Variants in FAM120B observed in about 807,000 individuals in gnomAD.
FAM120B encodes the protein family with sequence similarity 120 member B, also known as constitutive coactivator of peroxisome proliferator-activated receptor gamma.
Under a neutral mutation model 96.3 loss-of-function variants are expected in FAM120B, and 83 were observed. That is an observed-to-expected ratio of 0.86 (90% CI 0.72 to 1.03). The LOEUF is 1.03. Ranked by LOEUF, FAM120B falls within the 50% of genes least tolerant of loss-of-function variation. The pLI, the probability that FAM120B is intolerant of heterozygous loss-of-function variation, is 0.00. For synonymous variants in FAM120B, 407 were observed against 402.7 expected (o/e 1.01, Z -0.13); for missense variants, 1,027 against 1,121.2 (o/e 0.92, Z 1.20).
At chr6:170,305,768 G>A (rs1784258878), upstream of FAM120B, among the ~76,000 whole-genome samples, 1 of 152,226 alleles carries the variant, frequency 6.6e-6, no homozygotes. Flanking sequence ...TGGTTGTAGA[G>A]AAAAAGGCGG....
chr6:170,370,160 C>G lies in FAM120B; in HGVS notation c.2283+11842C>G, dbSNP rs1193311153. Among the ~76,000 whole-genome samples the G allele has an allele frequency of 6.6e-6, 1 of 152,220 alleles. No individual in the cohort carries two copies. Among genetic ancestry groups the G allele is most frequent in the Non-Finnish European group, 1.5e-5 (1 of 68,042 alleles). On this transcript the variant is annotated intron_variant, in intron 6 of 10. Coordinates refer to ENST00000476287, the MANE Select transcript of FAM120B (RefSeq NM_032448.3). The surrounding 1 kb of genome is among the most constrained non-coding windows in gnomAD (Gnocchi z 4.3). ...AGACTCTCAGTTGCCCTTGAGCTTT[C>G]CTGGCCCTGCTCTCTGCACCTCACA...
At chr6:170,340,413 G>T (rs144030766) in intron 4 of FAM120B, among the ~76,000 whole-genome samples, 1 of 152,144 alleles carries the variant, frequency 6.6e-6, no homozygotes, top group South Asian at 2.1e-4. Context: ...AAGGTTCTTA[G>T]CTTCCTTGCA....
rs73249830 is a variant in FAM120B at position 170,343,146 on chromosome 6, A to G, written c.2018-5005A>G. Among the ~76,000 whole-genome samples the G allele has an allele frequency of 5.4e-3, 822 of 152,342 alleles. 9 individuals are homozygous for G. The highest frequency in any genetic ancestry group is 0.019 in the African/African-American group (785 of 41,566). On this transcript the variant is annotated intron_variant, in intron 4 of 10. Transcript: ENST00000476287. ...GAGAAGTGATCTAAATGATCCTCCA[A>G]AAACATCCACACCCTCCCCTGGATA...
intron 1 of FAM120B, among the ~76,000 whole-genome samples, chr6:170,314,659 C>T (rs1046347732): frequency 1.3e-5 from 2 of 152,086 alleles, no homozygotes; most frequent in African/African-American, 2.4e-5. Flanking sequence ...CATATATGCT[C>T]TTAGCAATGA....
At position 170,318,348 on chromosome 6, in the gene FAM120B, G is replaced by A. The variant is rs1785040229; in HGVS notation, c.958G>A (p.Gly320Ser). ...TCCATGGTTTTTCCAAAAACCCAAA[G>A]GTGTAATAACTTTGGACAAACAAGT... ...KSPWFFQKPK[G>S]VITLDKQVIS... Residue 320 changes from glycine (G) to serine (S), a missense_variant, in exon 2 of 11, where the codon GGT (glycine) becomes AGT (serine). Around this residue, in one of 3 missense-constraint regions of FAM120B, gnomAD observed 880 missense variants for 980.9 expected, o/e 0.90. Coordinates refer to ENST00000476287, the MANE Select transcript of FAM120B (RefSeq NM_032448.3). The A allele has an allele frequency of 6.2e-7, 1 of 1,614,172 alleles. No homozygotes were observed. Among genetic ancestry groups the A allele is most frequent in the African/African-American group, 1.3e-5 (1 of 75,038 alleles).
intron 8 of FAM120B, among the ~76,000 whole-genome samples, chr6:170,392,678 T>C (rs1173507226): frequency 6.6e-6 from 1 of 152,242 alleles, no homozygotes; most frequent in Non-Finnish European, 1.5e-5. Flanking sequence ...CCACCCAGAC[T>C]ATCTCTAGGA....
chr6:170,300,576 G>C (rs913159331), intron 1 of FAM120B, among the ~76,000 whole-genome samples: 29 of 152,156 alleles, frequency 1.9e-4, no homozygotes, highest in African/African-American at 6.8e-4. Flanking sequence ...TAGCTCAAAA[G>C]TCCAAGTCCA....
chr6:170,304,577 C>T (rs996706580), upstream of FAM120B, among the ~76,000 whole-genome samples: 2 of 152,142 alleles, frequency 1.3e-5, no homozygotes, highest in East Asian at 1.9e-4. Context: ...ATCATCTGAG[C>T]GATACCATCG....
chr6:170,305,486 C>G (rs1182191876), upstream of FAM120B, among the ~76,000 whole-genome samples: 1 of 152,190 alleles, frequency 6.6e-6, no homozygotes, highest in Non-Finnish European at 1.5e-5. Context: ...AGTACCTGAT[C>G]AAGTGCTTTG....
At chr6:170,305,669 T>C (rs528731090), upstream of FAM120B, among the ~76,000 whole-genome samples, 4 of 151,640 alleles carry the variant, frequency 2.6e-5, no homozygotes, top group East Asian at 3.9e-4. Context: ...ATATTAAAAA[T>C]TGACATTTGT....
chr6:170,401,547 T>C (rs1488782287), intron 9 of FAM120B, among the ~76,000 whole-genome samples: 1 of 152,014 alleles, frequency 6.6e-6, no homozygotes, highest in East Asian at 1.9e-4. Context: ...AAGGCCGCTG[T>C]CCCCTGCAGG....
At chr6:170,296,213 G>C (rs910748741) in intron 1 of FAM120B, among the ~76,000 whole-genome samples, 1 of 152,136 alleles carries the variant, frequency 6.6e-6, no homozygotes, top group Non-Finnish European at 1.5e-5. Flanking sequence ...ACCCGGGGCT[G>C]GGGGGCCGGG....
At chr6:170,383,722 A>C (rs1004065667) in intron 6 of FAM120B, among the ~76,000 whole-genome samples, 40 of 152,212 alleles carry the variant, frequency 2.6e-4, no homozygotes, top group African/African-American at 4.8e-5. Context: ...TCTGGAAAAC[A>C]GTTTGGCCGT....
intron 1 of FAM120B, chr6:170,298,452 A>G (rs1363461174): frequency 1.3e-5 from 2 of 151,962 alleles, no homozygotes; most frequent in Non-Finnish European, 2.9e-5. Flanking sequence ...ACCACTTCCA[A>G]TGAGGAAACA....
At chr6:170,351,834 C>G (rs1250104900) in intron 5 of FAM120B, among the ~76,000 whole-genome samples, 17 of 152,226 alleles carry the variant, frequency 1.1e-4, no homozygotes, top group Admixed American at 1.1e-3. Context: ...ACTACAAAAA[C>G]ACACTGAAGT....
At chr6:170,393,148 CAAAAA>C (rs66472378) in intron 8 of FAM120B, among the ~76,000 whole-genome samples, 2 of 119,750 alleles carry the variant, frequency 1.7e-5, no homozygotes, top group Non-Finnish European at 3.3e-5. Flanking sequence ...CCTGTCTTTA[CAAAAA>C]AAAAAAAAAA....
chr6:170,389,826 G>C (rs1359715658), intron 7 of FAM120B, among the ~76,000 whole-genome samples: 1 of 152,140 alleles, frequency 6.6e-6, no homozygotes, highest in Non-Finnish European at 1.5e-5. Flanking sequence ...CTCCCAAAGT[G>C]CTGGGATTAC....
rs200873057 is a variant in FAM120B at position 170,318,568 on chromosome 6, C to T, written c.1178C>T (p.Thr393Ile). The T allele has an allele frequency of 2.0e-6, 3 of 1,487,634 alleles. No individual in the cohort carries two copies. Among genetic ancestry groups the T allele is most frequent in the Non-Finnish European group, 2.7e-6 (3 of 1,103,750 alleles). 92.2% of individuals were successfully genotyped at this position (1,487,634 alleles called of 1,614,324 possible). A position where few individuals can be genotyped will look rare whatever the true frequency, so the allele number is the denominator to read the frequency against. Reference sequence around the variant, plus strand: ...CCCAGGCAAGAAGTTCCCACGTGTACAGGCCCTGAATCCAGGCGAGAAGTT... The same window carrying T: ...CCCAGGCAAGAAGTTCCCACGTGTATAGGCCCTGAATCCAGGCGAGAAGTT... ...PEPRQEVPTCTGPESRREVPM... is the reference protein window; with the variant it reads ...PEPRQEVPTCIGPESRREVPM... The change falls in exon 2 of 11, where the codon ACA (threonine) becomes ATA (isoleucine). Residue 393 changes from threonine (T) to isoleucine (I), a missense_variant. Thr to Ile is a moderately conservative substitution (Grantham distance 89). Around this residue, in one of 3 missense-constraint regions of FAM120B, gnomAD observed 880 missense variants for 980.9 expected, o/e 0.90. Coordinates refer to ENST00000476287, the MANE Select transcript of FAM120B (RefSeq NM_032448.3).
intron 6 of FAM120B, among the ~76,000 whole-genome samples, chr6:170,384,718 C>T: frequency 6.6e-6 from 1 of 152,240 alleles, no homozygotes; most frequent in East Asian, 1.9e-4. Flanking sequence ...GGTCCACAAA[C>T]TGTAGCCAGT....
Sources: gnomAD v4.1 joint callset for allele counts (sites outside exome capture counted in the v4.1 genomes callset) on GRCh38, gnomAD v4.1.1 for gene constraint, gnomAD v4.1.1 regional missense constraint, Gnocchi (gnomAD v3.1) non-coding constraint, MANE v1.5 for transcripts, NCBI Gene and HGNC (gene_info 2026-07-23, HGNC 2026-07-21) for gene names.